RCOR1: variants seen among roughly 807,000 people sequenced by gnomAD.
The protein encoded by RCOR1 is REST corepressor.
In RCOR1, 12 loss-of-function variants were observed where a neutral mutation model predicts 64.0. The ratio of observed to expected loss-of-function variants is 0.19; its 90% CI spans 0.12 to 0.30. The LOEUF is 0.30. Among genes scored for constraint, RCOR1 ranks in the 10% least tolerant of loss-of-function variants. The probability of loss-of-function intolerance (pLI) is 1.00; values close to 1 mark genes in which losing one functional copy is unlikely to be tolerated. For synonymous variants in RCOR1, 279 were observed against 227.2 expected, an observed-to-expected ratio of 1.23 and a Z score of -2.05; for missense variants, 502 against 621.2, an observed-to-expected ratio of 0.81 and a Z score of 2.04.
Position 102,729,893 on chromosome 14 carries a change from T to C in RCOR1, c.*3387T>C, listed in dbSNP as rs1896337140. On this transcript the variant is annotated 3_prime_UTR_variant, in exon 12 of 12. Coordinates refer to ENST00000262241, the MANE Select transcript of RCOR1 (RefSeq NM_015156.4). Reference sequence around the variant, plus strand: ...TTGTCTAGCCTGTTTCTAAACCGAATGATCCAGGATTCAAGCTTCTATTGT... The same window carrying C: ...TTGTCTAGCCTGTTTCTAAACCGAACGATCCAGGATTCAAGCTTCTATTGT... 1 of 398,932 alleles carries C rather than the reference T, an allele frequency of 2.5e-6. No homozygotes were observed. Among genetic ancestry groups the C allele is most frequent in the Admixed American group, 4.4e-5 (1 of 22,700 alleles). 24.7% of individuals were successfully genotyped at this position (398,932 alleles called of 1,614,324 possible).
chr14:102,675,554 A>G (rs1895127857), intron 2 of RCOR1, among the ~76,000 whole-genome samples: 1 of 152,218 alleles, frequency 6.6e-6, no homozygotes, highest in African/African-American at 2.4e-5. Context: ...CAAGTGACTA[A>G]TGGGCACATA....
At chr14:102,676,737 C>T (rs1895171631) in intron 2 of RCOR1, among the ~76,000 whole-genome samples, 2 of 113,900 alleles carry the variant, frequency 1.8e-5, no homozygotes, top group African/African-American at 3.6e-5. Context: ...GGGCTGACCC[C>T]CCCCACCTCC....
chr14:102,681,783 T>C (rs1334700370), intron 2 of RCOR1, 112 bp from the exon 3 acceptor site: 8 of 710,274 alleles, frequency 1.1e-5, no homozygotes, highest in African/African-American at 7.1e-5. Flanking sequence ...GTGGGGCCCA[T>C]TGGGCCAGAT....
intron 2 of RCOR1, among the ~76,000 whole-genome samples, chr14:102,675,189 T>C (rs541378593): frequency 6.6e-6 from 1 of 152,212 alleles, no homozygotes; most frequent in South Asian, 2.1e-4. Context: ...GATTTACATA[T>C]AGCAAAACTG....
chr14:102,638,854 G>A (rs991645189), intron 2 of RCOR1, among the ~76,000 whole-genome samples: 1 of 152,086 alleles, frequency 6.6e-6, no homozygotes, highest in Non-Finnish European at 1.5e-5. Context: ...GTGGAGACGG[G>A]GTTTCGCCAT....
chr14:102,655,999 C>G (rs1156252551), intron 2 of RCOR1: 7 of 942,390 alleles, frequency 7.4e-6, no homozygotes, highest in African/African-American at 1.9e-5. Context: ...GTGAAATAAA[C>G]CTATGAACCA....
In RCOR1 at chr14:102,600,997, C is replaced by G. The variant is rs1347785904; in HGVS notation, c.361+7672C>G. ...TTGAGGTCGGGAGTTCAAGACCAAC[C>G]TGGCCAACATGATGAAACCCCTCTC... On this transcript the variant is annotated intron_variant, in intron 2 of 11. Transcript: ENST00000262241. Among the ~76,000 whole-genome samples, 3 of 151,690 alleles carry G rather than the reference C, an allele frequency of 2.0e-5. No individual in the cohort carries two copies. In the East Asian group the frequency reaches 6.0e-4, roughly 30 times the overall value.
At chr14:102,619,128 T>G (rs1163542978) in intron 2 of RCOR1, among the ~76,000 whole-genome samples, 3 of 119,500 alleles carry the variant, frequency 2.5e-5, no homozygotes, top group East Asian at 1.9e-4. Flanking sequence ...CTGTCTGTCT[T>G]TATATTTTTT....
intron 2 of RCOR1, among the ~76,000 whole-genome samples, chr14:102,614,115 G>C (rs1338498926): frequency 1.3e-5 from 2 of 151,038 alleles, no homozygotes; most frequent in Non-Finnish European, 2.9e-5. Context: ...GGCTGGTCTT[G>C]AGTTCCCAAC....
intron 2 of RCOR1, among the ~76,000 whole-genome samples, chr14:102,624,943 T>C (rs1893951076): frequency 6.6e-6 from 1 of 152,088 alleles, no homozygotes; most frequent in African/African-American, 2.4e-5. Context: ...CAATCATGGC[T>C]CAACTGCAGC....
At chr14:102,680,634 C>T (rs765905010) in intron 2 of RCOR1, among the ~76,000 whole-genome samples, 1 of 152,036 alleles carries the variant, frequency 6.6e-6, no homozygotes, top group African/African-American at 2.4e-5. Flanking sequence ...GATGAAACCC[C>T]GTCTCTACTA....
chr14:102,694,465 T>TCC (rs1397609944), intron 3 of RCOR1, among the ~76,000 whole-genome samples: 3 of 152,138 alleles, frequency 2.0e-5, no homozygotes, highest in Non-Finnish European at 4.4e-5. Flanking sequence ...TTAGTAGAGA[T>TCC]GGGGTTTCAC....
intron 3 of RCOR1, among the ~76,000 whole-genome samples, chr14:102,683,959 G>A (rs987403829): frequency 1.3e-5 from 2 of 152,192 alleles, no homozygotes; most frequent in Non-Finnish European, 2.9e-5. Context: ...GAGGCGCCTG[G>A]GTGCGCCGTG....
chr14:102,592,768 T>TGGGCTCCCGCCGCGCCCGC lies in RCOR1; in HGVS notation c.-118_-100dup. On this transcript the variant is annotated 5_prime_UTR_variant, in exon 1 of 12. Transcript: ENST00000262241. ...CTCCCCCGACTCGGACTCGCGCCCGTGGGCTCCCGCCGCGCCCGCCCGGCC... is the reference window on the plus strand; with the variant it reads ...CTCCCCCGACTCGGACTCGCGCCCGTGGGCTCCCGCCGCGCCCGCGGGCTCCCGCCGCGCCCGCCCGGCC... 2 of 1,203,342 alleles carry TGGGCTCCCGCCGCGCCCGC rather than the reference T, an allele frequency of 1.7e-6. No homozygotes were observed. Among genetic ancestry groups the TGGGCTCCCGCCGCGCCCGC allele is most frequent in the Non-Finnish European group, 2.1e-6 (2 of 970,484 alleles). 74.5% of individuals were successfully genotyped at this position (1,203,342 alleles called of 1,614,324 possible).
intron 2 of RCOR1, among the ~76,000 whole-genome samples, chr14:102,625,344 TCCTG>T (rs1047461554): frequency 5.4e-5 from 8 of 148,124 alleles, no homozygotes; most frequent in Non-Finnish European, 1.0e-4. Context: ...CAAGCGATTC[TCCTG>T]CCTCAGCCTC....
intron 3 of RCOR1, among the ~76,000 whole-genome samples, chr14:102,690,618 C>A (rs1284288015): frequency 6.6e-6 from 1 of 152,012 alleles, no homozygotes; most frequent in East Asian, 1.9e-4. Flanking sequence ...ATAATAATAA[C>A]ACAAAAAAAG....
chr14:102,729,742 G>A lies in RCOR1; in HGVS notation c.*3236G>A, dbSNP rs894287307. On this transcript the variant is annotated 3_prime_UTR_variant, in exon 12 of 12. Coordinates refer to ENST00000262241, the MANE Select transcript of RCOR1 (RefSeq NM_015156.4). ...CCTATTTTTGTCATTCTAAATATCA[G>A]ATGTACTATTGGTATAATTGCACAC... 2.0e-5 allele frequency: 8 copies of A among 398,188 alleles called. No individual in the cohort carries two copies. Among genetic ancestry groups the A allele is most frequent in the African/African-American group, 1.2e-4 (6 of 48,594 alleles). The allele number at this position is 398,188 out of a possible 1,614,324, so 24.7% of individuals were successfully genotyped here.
In RCOR1 at chr14:102,727,255, G is replaced by A. The variant is rs1896285392; in HGVS notation, c.*749G>A. 6.6e-6 allele frequency: 1 copy of A among 152,042 alleles called. No homozygotes were observed. Among genetic ancestry groups the A allele is most frequent in the African/African-American group, 2.4e-5 (1 of 41,308 alleles). 9.4% of individuals were successfully genotyped at this position (152,042 alleles called of 1,614,324 possible). A position where few individuals can be genotyped will look rare whatever the true frequency, so the allele number is the denominator to read the frequency against. On this transcript the variant is annotated 3_prime_UTR_variant, in exon 12 of 12. Transcript: ENST00000262241. ...CAACTTTTCAGCATTGTGACCCCAG[G>A]GTGGTTGCCACCCCATCTTTTCCTG...
intron 2 of RCOR1, among the ~76,000 whole-genome samples, chr14:102,597,445 C>T (rs1893279795): frequency 6.6e-6 from 1 of 151,626 alleles, no homozygotes. Context: ...CCTCCTGCTG[C>T]AGCCTCCTGA....
Sources: gnomAD v4.1 joint callset for allele counts (sites outside exome capture counted in the v4.1 genomes callset) on GRCh38, gnomAD v4.1.1 for gene constraint, MANE v1.5 for transcripts, NCBI Gene and HGNC (gene_info 2026-07-23, HGNC 2026-07-21) for gene names.